The following AP3S2 variants were observed in gnomAD, a reference collection of about 807,000 sequenced individuals.
AP3S2 encodes adaptor related protein complex 3 subunit sigma 2.
Under a neutral mutation model 23.4 loss-of-function variants are expected in AP3S2, and 22 were observed. The observed-to-expected ratio is 0.94, with a 90% confidence interval of 0.67 to 1.34. The LOEUF (loss-of-function observed/expected upper bound fraction) is 1.34. Among genes scored for constraint, AP3S2 ranks in the 40% most tolerant of loss-of-function variants. The pLI, the probability that AP3S2 is intolerant of heterozygous loss-of-function variation, is 0.00. For missense variants in AP3S2, 241 were observed against 236.9 expected (o/e 1.02, Z -0.11); for synonymous variants, 86 against 87.1 (o/e 0.99, Z 0.07).
chr15:89,871,638 C>A, intron 3 of AP3S2, 92 bp from the exon 4 acceptor site: 1 of 1,296,952 alleles, frequency 7.7e-7, no homozygotes, highest in Admixed American at 2.1e-5. Context: ...GGGGCTGTCA[C>A]AATACTATTT....
chr15:89,891,306 T>C (rs969059567), intron 1 of AP3S2, among the ~76,000 whole-genome samples: 2 of 152,140 alleles, frequency 1.3e-5, no homozygotes, highest in African/African-American at 4.8e-5. Context: ...GATACACGAA[T>C]GGGCAATAAG....
chr15:89,844,919 T>C (rs183306475), intron 4 of AP3S2, among the ~76,000 whole-genome samples: 1 of 152,276 alleles, frequency 6.6e-6, no homozygotes, highest in African/African-American at 2.4e-5. Context: ...CTTTTCTTTT[T>C]TTTTTTGGAA....
At chr15:89,856,428 T>C (rs1248434584) in intron 4 of AP3S2, among the ~76,000 whole-genome samples, 10 of 151,112 alleles carry the variant, frequency 6.6e-5, no homozygotes, top group Non-Finnish European at 1.5e-4. Context: ...GGGCTGGGCG[T>C]GGTGGCTCAC....
In AP3S2 at chr15:89,888,514, C is replaced by G; in HGVS notation, c.273+7G>C. 1 of 1,613,816 alleles carries G rather than the reference C, an allele frequency of 6.2e-7. No homozygotes were observed. ...AGCTGCTGCCATCATTAGCTGACTA[C>G]ACATACCTGGATGAGGTCCAAGATT... On this transcript the variant is annotated splice_region_variant and intron_variant, in intron 3 of 5. Coordinates refer to ENST00000336418, the MANE Select transcript of AP3S2 (RefSeq NM_005829.5).
intron 1 of AP3S2, chr15:89,893,035 G>A (rs1896855472): frequency 6.6e-6 from 1 of 152,150 alleles, no homozygotes; most frequent in Non-Finnish European, 1.5e-5. Flanking sequence ...ATCTTATGAA[G>A]GAGTAAAATT....
intron 4 of AP3S2, among the ~76,000 whole-genome samples, chr15:89,868,936 G>A (rs1198888039): frequency 2.1e-5 from 3 of 142,820 alleles, no homozygotes; most frequent in Non-Finnish European, 3.1e-5. Flanking sequence ...CGCCCCGTCC[G>A]GGAGGGAGGT....
chr15:89,858,479 GAAAGAAAGAA>G (rs1567178642), intron 4 of AP3S2, among the ~76,000 whole-genome samples: 73 of 31,782 alleles, frequency 2.3e-3, no homozygotes, highest in African/African-American at 7.3e-3. Flanking sequence ...AAGAAAGAAA[GAAAGAAAGAA>G]AGAAAGAGAG....
At chr15:89,884,411 G>A (rs1401545591) in intron 3 of AP3S2, among the ~76,000 whole-genome samples, 1 of 150,480 alleles carries the variant, frequency 6.6e-6, no homozygotes, top group Non-Finnish European at 1.5e-5. Context: ...TATCTTTGTA[G>A]ATTAAAAAAA....
chr15:89,873,086 T>C (rs1447574731), intron 3 of AP3S2, among the ~76,000 whole-genome samples: 1 of 152,210 alleles, frequency 6.6e-6, no homozygotes, highest in Non-Finnish European at 1.5e-5. Context: ...AATATTTCAC[T>C]ATAAGGACAC....
chr15:89,891,524 T>C (rs1896820263), intron 1 of AP3S2, among the ~76,000 whole-genome samples: 1 of 151,910 alleles, frequency 6.6e-6, no homozygotes, highest in African/African-American at 2.4e-5. Flanking sequence ...CCAGGCATGG[T>C]CGTGGGCACC....
At chr15:89,887,072 A>G (rs2141900988) in intron 3 of AP3S2, among the ~76,000 whole-genome samples, 1 of 152,306 alleles carries the variant, frequency 6.6e-6, no homozygotes, top group South Asian at 2.1e-4. Context: ...CTGGGATTAC[A>G]GGTGTGAGCC....
chr15:89,891,889 T>G (rs1425681382), intron 1 of AP3S2, among the ~76,000 whole-genome samples: 1 of 152,146 alleles, frequency 6.6e-6, no homozygotes, highest in Admixed American at 6.6e-5. Context: ...CTCCTAGGTA[T>G]ATAACCAAGA....
intron 5 of AP3S2, among the ~76,000 whole-genome samples, chr15:89,836,787 T>C (rs983469880): frequency 3.9e-5 from 6 of 152,186 alleles, no homozygotes; most frequent in East Asian, 1.9e-4. Flanking sequence ...CCAGCCTACA[T>C]TTCTAAAAGA....
intron 3 of AP3S2, among the ~76,000 whole-genome samples, chr15:89,875,226 T>G (rs1236687952): frequency 6.6e-6 from 1 of 152,198 alleles, no homozygotes; most frequent in Non-Finnish European, 1.5e-5. Context: ...GACCACAGTT[T>G]GCAGCAGCAC....
At chr15:89,881,981 C>T (rs905061053) in intron 3 of AP3S2, among the ~76,000 whole-genome samples, 10 of 152,034 alleles carry the variant, frequency 6.6e-5, no homozygotes, top group South Asian at 2.1e-4. Flanking sequence ...CCACCACGCC[C>T]GGCTAACTTT....
chr15:89,869,567 TAAAAAA>T (rs527600193), intron 4 of AP3S2, among the ~76,000 whole-genome samples: 12 of 123,438 alleles, frequency 9.7e-5, no homozygotes, highest in Non-Finnish European at 5.1e-5. Context: ...GAATTATCAA[TAAAAAA>T]AAAAAAAAAA....
chr15:89,854,107 C>T (rs1390888643), intron 4 of AP3S2, among the ~76,000 whole-genome samples: 16 of 43,350 alleles, frequency 3.7e-4, no homozygotes, highest in Admixed American at 1.4e-3. Flanking sequence ...CCGTGCCATC[C>T]GGGAGGGAGG....
At chr15:89,845,501 G>C (rs1895464620) in intron 4 of AP3S2, 1 of 152,186 alleles carries the variant, frequency 6.6e-6, no homozygotes, top group Admixed American at 6.5e-5. Context: ...GCCAAGCATG[G>C]GTGTGGGAGC....
At chr15:89,868,608 G>C (rs1275923502) in intron 4 of AP3S2, among the ~76,000 whole-genome samples, 1 of 121,552 alleles carries the variant, frequency 8.2e-6, no homozygotes, top group East Asian at 2.7e-4. Flanking sequence ...CCGTCTGGGA[G>C]GTGAGGGGCG....
Sources: allele counts gnomAD v4.1 joint callset (sites outside exome capture counted in the v4.1 genomes callset), GRCh38; gene constraint gnomAD v4.1.1; transcripts MANE v1.5; gene names NCBI Gene and HGNC (gene_info 2026-07-23, HGNC 2026-07-21).